TET2: variants seen among roughly 807,000 people sequenced by gnomAD.
TET2 encodes tet methylcytosine dioxygenase 2.
TET2 carries 299 observed loss-of-function variants against 142.9 expected under a neutral mutation model. The observed-to-expected ratio is 2.09, with a 90% CI of 1.90 to 2.30. The LOEUF (loss-of-function observed/expected upper bound fraction) is 2.30. TET2 is among the 30% of genes most tolerant of loss of function. The pLI is 0.00. For missense variants in TET2, 2,418 were observed against 2,378.0 expected, an observed-to-expected ratio of 1.02 and a Z score of -0.35; for synonymous variants, 819 against 849.0, an observed-to-expected ratio of 0.96 and a Z score of 0.61.
chr4:105,255,790 A>G (rs1313093954), intron 6 of TET2, among the ~76,000 whole-genome samples: 2 of 152,026 alleles, frequency 1.3e-5, no homozygotes, highest in East Asian at 3.8e-4. Flanking sequence ...TTTTCAATTT[A>G]TATACATTTA....
chr4:105,267,246 C>T (rs920449606), intron 8 of TET2, among the ~76,000 whole-genome samples: 4 of 151,764 alleles, frequency 2.6e-5, no homozygotes, highest in African/African-American at 9.7e-5. Context: ...AAATGTTAAA[C>T]GAAATCCTTC....
chr4:105,200,751 T>C (rs907432914), intron 2 of TET2, among the ~76,000 whole-genome samples: 1 of 152,020 alleles, frequency 6.6e-6, no homozygotes, highest in African/African-American at 2.4e-5. Context: ...ACCTCCACAT[T>C]CCGGGTTCAA....
chr4:105,239,630 C>T lies in TET2; in HGVS notation c.3410-1709C>T, dbSNP rs1729180826. 7 of 239,254 alleles carry T rather than the reference C, an allele frequency of 2.9e-5. No individual in the cohort carries two copies. The South Asian group carries it at 9.2e-4, about 31-fold the overall frequency. The allele number at this position is 239,254 out of a possible 1,614,324, so 14.8% of individuals were successfully genotyped here. On this transcript the variant is annotated intron_variant, in intron 3 of 10. Coordinates refer to ENST00000380013, the MANE Select transcript of TET2 (RefSeq NM_001127208.3). ...TTGGCTTAAGGAATGTTGTGGCTGA[C>T]GTGATCTTCTATCCAGACCACTAAA...
Position 105,235,496 on chromosome 4 carries a change from T to A in TET2, c.1554T>A (p.Ile518=). ...AACACCTCAAGCATAACCCACCAAT[T>A]TTTGGTAGCAGTGGAGAGCTACAGG... is the stretch of plus-strand genomic sequence containing the variant. ...MSEHLKHNPP[I]FGSSGELQDN... Residue 518 remains isoleucine, a synonymous_variant, in exon 3 of 11, where the codon ATT becomes ATA. Coordinates refer to ENST00000380013, the MANE Select transcript of TET2 (RefSeq NM_001127208.3). 1 of 1,614,054 alleles carries A rather than the reference T, an allele frequency of 6.2e-7. No individual in the cohort carries two copies. Among genetic ancestry groups the A allele is most frequent in the Non-Finnish European group, 8.5e-7 (1 of 1,179,998 alleles).
chr4:105,264,116 T>C (rs1051028701), intron 8 of TET2, among the ~76,000 whole-genome samples: 1 of 152,100 alleles, frequency 6.6e-6, no homozygotes, highest in Non-Finnish European at 1.5e-5. Context: ...TTTTTTTTTT[T>C]TGGTTCGAAC....
At chr4:105,249,766 T>G (rs946730644) in intron 6 of TET2, among the ~76,000 whole-genome samples, 19 of 152,230 alleles carry the variant, frequency 1.2e-4, no homozygotes, top group African/African-American at 3.6e-4. Context: ...TTTAATTGTA[T>G]TATTTTTAGA....
At chr4:105,243,546 G>A (rs1560553258) in intron 5 of TET2, 24 bp from the exon 6 acceptor site, 1 of 1,550,346 alleles carries the variant, frequency 6.5e-7, no homozygotes, top group South Asian at 1.2e-5. Flanking sequence ...GGGGGTGTTT[G>A]GGATGGAATG....
In TET2 at chr4:105,236,309, T is replaced by G; in HGVS notation, c.2367T>G (p.Asn789Lys). The G allele has an allele frequency of 6.2e-7, 1 of 1,613,940 alleles. No individual in the cohort carries two copies. Among genetic ancestry groups the G allele is most frequent in the South Asian group, 1.1e-5 (1 of 91,082 alleles). ...TKVEECFHGE[N>K]QYSKSSEFET... Reference sequence around the variant, plus strand: ...TGGAAGAATGTTTTCATGGTGAAAATCAGTATTCAAAATCAAGCGAGTTCG... The same window carrying G: ...TGGAAGAATGTTTTCATGGTGAAAAGCAGTATTCAAAATCAAGCGAGTTCG... Residue 789 changes from asparagine (N) to lysine (K), a missense_variant, in exon 3 of 11, where the codon AAT becomes AAG. By Grantham distance (94) the Asn-to-Lys change is moderately conservative (BLOSUM62 0). Transcript: ENST00000380013.
intron 3 of TET2, chr4:105,239,074 G>GTTTTTTTGTTT (rs60653050): frequency 0.35 from 73,204 of 209,848 alleles, 12,047 homozygotes; most frequent in Non-Finnish European, 0.43. Flanking sequence ...TTTGTTTTTT[G>GTTTTTTTGTTT]TTTTTTTTTT....
chr4:105,239,067 G>GT (rs368644313), intron 3 of TET2: 9 of 92,684 alleles, frequency 9.7e-5, no homozygotes, highest in Admixed American at 7.1e-4. Context: ...TTTTGGTTTT[G>GT]TTTTTTGTTT....
chr4:105,173,455 C>T (rs369100898), intron 1 of TET2, among the ~76,000 whole-genome samples: 68 of 151,912 alleles, frequency 4.5e-4, no homozygotes, highest in African/African-American at 1.6e-3. Flanking sequence ...ATCGATTGAA[C>T]CCAGGAGGTG....
chr4:105,205,556 A>G (rs1457657585), intron 2 of TET2, among the ~76,000 whole-genome samples: 1 of 152,192 alleles, frequency 6.6e-6, no homozygotes, highest in African/African-American at 2.4e-5. Flanking sequence ...CTATTCACAC[A>G]TTCTTGAAGG....
chr4:105,209,242 C>T (rs1185609844), intron 2 of TET2, among the ~76,000 whole-genome samples: 2 of 150,934 alleles, frequency 1.3e-5, no homozygotes, highest in Non-Finnish European at 3.0e-5. Flanking sequence ...TGATTAATAA[C>T]GTTTAAGGTC....
At position 105,235,666 on chromosome 4, in the gene TET2, C is replaced by T. The variant is rs199640757; in HGVS notation, c.1724C>T (p.Ala575Val). 180 of 1,614,118 alleles carry T rather than the reference C, an allele frequency of 1.1e-4. No individual in the cohort carries two copies. Among genetic ancestry groups the T allele is most frequent in the African/African-American group, 1.5e-4 (11 of 75,030 alleles). ...IELKAPRFHQ[A>V]ESHLKRNEAS... Reference sequence around the variant, plus strand: ...TTGAAGGCCCCTCGTTTTCACCAAGCGGAATCCCATCTAAAACGTAATGAG... The same window carrying T: ...TTGAAGGCCCCTCGTTTTCACCAAGTGGAATCCCATCTAAAACGTAATGAG... The change falls in exon 3 of 11, where the codon GCG (alanine) becomes GTG (valine). Residue 575 changes from alanine (A) to valine (V), a missense_variant. Coordinates refer to ENST00000380013, the MANE Select transcript of TET2 (RefSeq NM_001127208.3).
chr4:105,206,186 C>T (rs1279952614), intron 2 of TET2, among the ~76,000 whole-genome samples: 1 of 152,232 alleles, frequency 6.6e-6, no homozygotes, highest in East Asian at 1.9e-4. Context: ...ATGAGTGACG[C>T]CAGGGTCCTG....
Position 105,236,334 on chromosome 4 carries a change from G to C in TET2, c.2392G>C (p.Glu798Gln), listed in dbSNP as rs777279382. 7 of 1,613,970 alleles carry C rather than the reference G, an allele frequency of 4.3e-6. No individual in the cohort carries two copies. Among genetic ancestry groups the C allele is most frequent in the Non-Finnish European group, 5.9e-6 (7 of 1,180,000 alleles). ...TCAGTATTCAAAATCAAGCGAGTTC[G>C]AGACTCATAATGTCCAAATGGGACT... ...ENQYSKSSEF[E>Q]THNVQMGLEE... Residue 798 changes from glutamate (E) to glutamine (Q), a missense_variant, in exon 3 of 11, where the codon GAG becomes CAG. Physicochemically the swap from Glu to Gln is conservative, Grantham distance 29. Transcript: ENST00000380013.
intron 1 of TET2, among the ~76,000 whole-genome samples, chr4:105,167,740 T>G (rs1724239227): frequency 1.3e-5 from 2 of 152,316 alleles, no homozygotes; most frequent in South Asian, 4.1e-4. Context: ...TATTTTCATT[T>G]CTGGGCCCTT....
Position 105,234,901 on chromosome 4 carries a change from A to C in TET2, c.959A>C (p.Glu320Ala). The change falls in exon 3 of 11, where the codon GAA becomes GCA. Residue 320 changes from glutamate to alanine, a missense_variant. Glu to Ala is a moderately radical substitution (Grantham distance 107). Coordinates refer to ENST00000380013, the MANE Select transcript of TET2 (RefSeq NM_001127208.3). ...MLNTCSFQKPEQLQQQKSVFE... is the reference protein window; with the variant it reads ...MLNTCSFQKPAQLQQQKSVFE... ...AATACCTGTTCCTTTCAGAAACCAG[A>C]ACAACTACAACAACAAAAATCAGTT... 1.2e-6 allele frequency: 2 copies of C among 1,614,108 alleles called. No homozygotes were observed. The highest frequency in any genetic ancestry group is 1.7e-6 in the Non-Finnish European group (2 of 1,180,006).
intron 2 of TET2, among the ~76,000 whole-genome samples, chr4:105,196,400 C>T (rs1726096217): frequency 6.6e-6 from 1 of 152,040 alleles, no homozygotes; most frequent in Non-Finnish European, 1.5e-5. Context: ...CTTGGGGACA[C>T]CTACTTATCC....
Sources: gnomAD v4.1 joint callset for allele counts (sites outside exome capture counted in the v4.1 genomes callset) on GRCh38, gnomAD v4.1.1 for gene constraint, MANE v1.5 for transcripts, NCBI Gene and HGNC (gene_info 2026-07-23, HGNC 2026-07-21) for gene names.